Variants in PRH1 observed in about 807,000 individuals in gnomAD.
The protein encoded by PRH1 is salivary acidic proline-rich phosphoprotein 1/2.
A neutral mutation model predicts 7.9 loss-of-function variants in PRH1; 7 were observed. That is an observed-to-expected ratio of 0.89 (90% confidence interval 0.50 to 1.67). PRH1 has a LOEUF of 1.67. Ranked by LOEUF, PRH1 falls within the 40% of genes most tolerant of loss-of-function variation. PRH1 has a pLI of 0.00. For synonymous variants in PRH1, 45 were observed against 80.8 expected, an observed-to-expected ratio of 0.56 and a Z score of 2.38; for missense variants, 109 against 223.6, an observed-to-expected ratio of 0.49 and a Z score of 3.27.
chr12:10,901,695 A>G (rs1345412787), intron 2 of PRH1, among the ~76,000 whole-genome samples: 1 of 152,196 alleles, frequency 6.6e-6, no homozygotes, highest in Admixed American at 6.5e-5. Context: ...TGTAGGTTGA[A>G]CCGCACAGTC....
chr12:11,047,654 T>C (rs919419376), upstream of PRH1, among the ~76,000 whole-genome samples: 2 of 152,180 alleles, frequency 1.3e-5, no homozygotes, highest in Non-Finnish European at 2.9e-5. Context: ...TTTTCTAATC[T>C]ATTCACATAC....
chr12:11,136,170 T>C (rs1288771719), intron 1 of PRH1, among the ~76,000 whole-genome samples: 1 of 152,228 alleles, frequency 6.6e-6, no homozygotes, highest in East Asian at 1.9e-4. Flanking sequence ...CTTTACCAAC[T>C]AGGTATGCAA....
chr12:11,047,056 C>T (rs749105489), exon 1 of PRH1: 8 of 506,488 alleles, frequency 1.6e-5, no homozygotes, highest in South Asian at 1.2e-4. Flanking sequence ...CCCTCCACAT[C>T]CAAACTAGCC....
chr12:11,167,530 C>T (rs779504381), intron 1 of PRH1, among the ~76,000 whole-genome samples: 3 of 151,618 alleles, frequency 2.0e-5, no homozygotes, highest in East Asian at 1.9e-4. Context: ...CTGCAAGCTC[C>T]ACCTCCTGGG....
intron 1 of PRH1, among the ~76,000 whole-genome samples, chr12:11,069,302 T>C (rs187618771): frequency 2.4e-4 from 37 of 152,204 alleles, no homozygotes; most frequent in African/African-American, 8.7e-4. Context: ...TGTGAATAAA[T>C]AATTAATATA....
chr12:10,972,939 CCGCCCGCCCA>C, intron 2 of PRH1, among the ~76,000 whole-genome samples: 1 of 129,688 alleles, frequency 7.7e-6, no homozygotes, highest in African/African-American at 2.8e-5. Context: ...CCCACCCCCC[CCGCCCGCCCA>C]CACACACACC....
chr12:10,995,655 G>A (rs1046266641), intron 1 of PRH1, among the ~76,000 whole-genome samples: 5 of 151,978 alleles, frequency 3.3e-5, no homozygotes, highest in African/African-American at 1.2e-4. Context: ...AGCTTTTTGA[G>A]GAATTTTAAG....
intron 1 of PRH1, among the ~76,000 whole-genome samples, chr12:11,103,780 T>A (rs936833203): frequency 6.6e-6 from 1 of 152,190 alleles, no homozygotes; most frequent in African/African-American, 2.4e-5. Context: ...CACAAATTTC[T>A]AAGCACACAA....
chr12:11,162,935 T>G lies in PRH1; in HGVS notation n.39+8487A>C, dbSNP rs551727825. Among the ~76,000 whole-genome samples the G allele has an allele frequency of 6.6e-5, 10 of 152,328 alleles. No homozygotes were observed. The South Asian group carries it at 1.7e-3, about 25-fold the overall frequency. ...AGAGAAGGGATACATGGAACACTAT[T>G]CAGCTGTAAAAAGAAATGAGAAAGA... On this transcript the variant is annotated intron_variant and non_coding_transcript_variant, in intron 1 of 1. Coordinates refer to the PRH1 transcript ENST00000541175.
intron 1 of PRH1, among the ~76,000 whole-genome samples, chr12:11,073,980 A>G (rs1944192763): frequency 6.7e-6 from 1 of 149,020 alleles, no homozygotes; most frequent in Admixed American, 6.7e-5. Flanking sequence ...TACACAAGGC[A>G]TCTGCTTATA....
chr12:10,904,896 T>C (rs1312724476), intron 2 of PRH1, among the ~76,000 whole-genome samples: 1 of 151,622 alleles, frequency 6.6e-6, no homozygotes, highest in African/African-American at 2.4e-5. Flanking sequence ...AAAGAAGACA[T>C]ACGAGCAGCC....
chr12:10,887,980 G>A (rs1246476931), upstream of PRH1, among the ~76,000 whole-genome samples: 1 of 152,144 alleles, frequency 6.6e-6, no homozygotes, highest in African/African-American at 2.4e-5. Context: ...GCAAACTAGA[G>A]AAGCATAGTA....
chr12:11,019,848 G>T (rs1466412293), intron 1 of PRH1, among the ~76,000 whole-genome samples: 2 of 152,290 alleles, frequency 1.3e-5, no homozygotes, highest in African/African-American at 4.8e-5. Flanking sequence ...GGCAGCTGCT[G>T]GGAAGTTCCC....
chr12:11,116,125 G>C (rs942142186), downstream of PRH1, among the ~76,000 whole-genome samples: 1 of 151,798 alleles, frequency 6.6e-6, no homozygotes, highest in Non-Finnish European at 1.5e-5. Flanking sequence ...TTCTTGAAAA[G>C]TTAAACAACA....
chr12:11,042,763 G>C (rs1016221484), intron 1 of PRH1, among the ~76,000 whole-genome samples: 1 of 151,390 alleles, frequency 6.6e-6, no homozygotes, highest in Non-Finnish European at 1.5e-5. Context: ...CCGAGTAGCT[G>C]GGACTACAGG....
At chr12:11,139,272 T>C (rs1565695278) in intron 1 of PRH1, among the ~76,000 whole-genome samples, 1 of 152,142 alleles carries the variant, frequency 6.6e-6, no homozygotes, top group Admixed American at 6.5e-5. Context: ...AATTATAACA[T>C]TAACATTGAT....
chr12:10,956,406 T>C (rs1937961305), intron 2 of PRH1, among the ~76,000 whole-genome samples: 1 of 152,138 alleles, frequency 6.6e-6, no homozygotes. Context: ...AAACTAGACA[T>C]TGAAGATATA....
chr12:11,090,572 A>T lies in PRH1; in HGVS notation n.124-43384T>A, dbSNP rs550002576. ...TCATGATGTTTCATCCCTTTATTAG[A>T]GAAGGAATTTTTTCCTAAGCTATTC... is the stretch of plus-strand genomic sequence containing the variant. On this transcript the variant is annotated intron_variant and non_coding_transcript_variant, in intron 1 of 4. Transcript: ENST00000541977. 2.9e-4 allele frequency among the ~76,000 whole-genome samples: 31 copies of T among 106,690 alleles called. 7 individuals are homozygous for T. In the South Asian group the frequency reaches 8.1e-3, roughly 28 times the overall value. 70.0% of individuals were successfully genotyped at this position (106,690 alleles called of 152,430 possible).
rs144228021 is a variant in PRH1, at chr12:10,960,799, C to T, written c.-59+12856G>A. Among the ~76,000 whole-genome samples the T allele has an allele frequency of 1.2e-3, 176 of 152,256 alleles. 3 individuals carry two copies. Among genetic ancestry groups the T allele is most frequent in the Admixed American group, 6.5e-4 (10 of 15,300 alleles). On this transcript the variant is annotated intron_variant, in intron 2 of 3. Transcript: ENST00000539853. ...ACATAAACCTCAGCAGATTCAGGAA[C>T]TTATAACATAGATGGTGTTTTTACA...
Sources: allele counts gnomAD v4.1 joint callset (sites outside exome capture counted in the v4.1 genomes callset), GRCh38; gene constraint gnomAD v4.1.1; transcripts MANE v1.5; gene names NCBI Gene and HGNC (gene_info 2026-07-23, HGNC 2026-07-21).